Variants in FAF1 observed in about 807,000 individuals in gnomAD.
The protein encoded by FAF1 is Fas associated factor 1.
A neutral mutation model predicts 92.5 loss-of-function variants in FAF1; 25 were observed. The ratio of observed to expected loss-of-function variants is 0.27; its 90% CI spans 0.20 to 0.38. The LOEUF is 0.38. FAF1 is among the 10% of genes least tolerant of loss of function. The probability of loss-of-function intolerance (pLI) is 1.00; values close to 1 mark genes in which losing one functional copy is unlikely to be tolerated. For missense variants in FAF1, 636 were observed against 793.3 expected (o/e 0.80, Z 2.38); for synonymous variants, 234 against 273.2 (o/e 0.86, Z 1.42).
At chr1:50,725,414 T>C (rs1435081332) in intron 6 of FAF1, among the ~76,000 whole-genome samples, 3 of 152,200 alleles carry the variant, frequency 2.0e-5, no homozygotes, top group African/African-American at 7.2e-5. Flanking sequence ...TGTAATCTGC[T>C]TTCCCACCAA....
intron 6 of FAF1, among the ~76,000 whole-genome samples, chr1:50,726,549 G>C (rs1658665412): frequency 1.3e-5 from 2 of 152,024 alleles, no homozygotes; most frequent in South Asian, 2.1e-4. Context: ...ACAAAAAATG[G>C]CTGGGTGTGG....
At chr1:50,845,808 T>TTTC in intron 2 of FAF1, among the ~76,000 whole-genome samples, 1 of 152,046 alleles carries the variant, frequency 6.6e-6, no homozygotes, top group South Asian at 2.1e-4. Context: ...AAAATTATAC[T>TTTC]CAAACTCTTA....
intron 17 of FAF1, among the ~76,000 whole-genome samples, chr1:50,486,586 T>G (rs1646772515): frequency 6.6e-6 from 1 of 152,172 alleles, no homozygotes. Context: ...CCTAGTTAGA[T>G]ATCAGCTTCC....
intron 8 of FAF1, among the ~76,000 whole-genome samples, chr1:50,652,694 A>G (rs1217524244): frequency 1.3e-5 from 2 of 152,238 alleles, no homozygotes; most frequent in Non-Finnish European, 2.9e-5. Flanking sequence ...TGATTGATAG[A>G]TGCCTAATCT....
At position 50,758,020 on chromosome 1, in the gene FAF1, T is replaced by C. The variant is rs373110012; in HGVS notation, c.368-13245A>G. 1.3e-4 allele frequency among the ~76,000 whole-genome samples: 20 copies of C among 152,278 alleles called. No homozygotes were observed. In the East Asian group the frequency reaches 3.9e-3, roughly 29 times the overall value. Reference sequence around the variant, plus strand: ...GCAACCTCTGCCTCTGACATTCAACTGATTCTCGTGCCTCAGCCTCCCGAG... The same window carrying C: ...GCAACCTCTGCCTCTGACATTCAACCGATTCTCGTGCCTCAGCCTCCCGAG... On this transcript the variant is annotated intron_variant, in intron 4 of 18. Transcript: ENST00000396153.
chr1:50,579,830 T>C (rs889827606), intron 12 of FAF1, among the ~76,000 whole-genome samples: 5 of 152,162 alleles, frequency 3.3e-5, no homozygotes, highest in Admixed American at 2.0e-4. Flanking sequence ...ATATAACTTG[T>C]GATCCTTGAG....
At chr1:50,785,623 A>G (rs1661334288) in intron 4 of FAF1, among the ~76,000 whole-genome samples, 2 of 151,910 alleles carry the variant, frequency 1.3e-5, no homozygotes, top group African/African-American at 4.8e-5. Context: ...AAAAAAAAGG[A>G]AAGAAAAGAA....
chr1:50,592,383 G>C (rs1302965619), intron 9 of FAF1, among the ~76,000 whole-genome samples: 1 of 151,990 alleles, frequency 6.6e-6, no homozygotes, highest in Non-Finnish European at 1.5e-5. Context: ...TCTCACCCAA[G>C]CAACTGAGGA....
chr1:50,481,793 A>G (rs527827426), intron 17 of FAF1, among the ~76,000 whole-genome samples: 1 of 152,126 alleles, frequency 6.6e-6, no homozygotes, highest in South Asian at 2.1e-4. Context: ...ATTTAGATCT[A>G]AAAGAAGTAT....
intron 2 of FAF1, among the ~76,000 whole-genome samples, chr1:50,838,650 A>G (rs1644231955): frequency 6.6e-6 from 1 of 151,136 alleles, no homozygotes; most frequent in South Asian, 2.1e-4. Flanking sequence ...TGTGACAACC[A>G]GCTGCTCCCA....
intron 7 of FAF1, among the ~76,000 whole-genome samples, chr1:50,661,958 C>CA (rs1201720929): frequency 6.6e-6 from 1 of 152,028 alleles, no homozygotes; most frequent in Admixed American, 6.6e-5. Context: ...CCTTTCTGAA[C>CA]AAAAAACGCT....
intron 6 of FAF1, among the ~76,000 whole-genome samples, chr1:50,724,294 C>T (rs886997239): frequency 1.0e-4 from 12 of 120,026 alleles, no homozygotes; most frequent in South Asian, 2.6e-4. Context: ...CACACACACA[C>T]ATACACACAC....
At position 50,441,391 on chromosome 1, in the gene FAF1, C is replaced by T; in HGVS notation, c.*49G>A. ...TTGGCGAGGAGCCCTTCTCCTGACG[C>T]AGGCTGCTGGCTTGTCAAGGAATGG... is the stretch of plus-strand genomic sequence containing the variant. On this transcript the variant is annotated 3_prime_UTR_variant, in exon 19 of 19. Transcript: ENST00000396153. 8.1e-7 allele frequency: 1 copy of T among 1,233,438 alleles called. No individual in the cohort carries two copies. The highest frequency in any genetic ancestry group is 1.5e-5 in the South Asian group (1 of 65,316). 76.4% of individuals were successfully genotyped at this position (1,233,438 alleles called of 1,614,324 possible).
intron 1 of FAF1, among the ~76,000 whole-genome samples, chr1:50,866,046 T>C (rs932976191): frequency 1.3e-5 from 2 of 152,016 alleles, no homozygotes; most frequent in African/African-American, 4.8e-5. Flanking sequence ...TGGTTTAATA[T>C]ACACAAGTCA....
intron 7 of FAF1, among the ~76,000 whole-genome samples, chr1:50,670,408 C>T (rs1655821852): frequency 6.6e-6 from 1 of 151,752 alleles, no homozygotes; most frequent in African/African-American, 2.4e-5. Flanking sequence ...GTTTAAATTG[C>T]CACTCACAGC....
intron 2 of FAF1, among the ~76,000 whole-genome samples, chr1:50,849,048 G>A (rs1436398595): frequency 2.0e-5 from 3 of 152,090 alleles, no homozygotes; most frequent in African/African-American, 7.2e-5. Flanking sequence ...CACAAGGTCA[G>A]GAGTTCGAGA....
chr1:50,526,721 A>G (rs1647824969), intron 15 of FAF1, among the ~76,000 whole-genome samples: 1 of 152,170 alleles, frequency 6.6e-6, no homozygotes, highest in South Asian at 2.1e-4. Context: ...GCTGGATTAC[A>G]TGGTAACTAC....
chr1:50,719,290 A>ACCCTG (rs1385484378), intron 6 of FAF1, among the ~76,000 whole-genome samples: 1 of 152,152 alleles, frequency 6.6e-6, no homozygotes, highest in Non-Finnish European at 1.5e-5. Context: ...CTTAATTAAC[A>ACCCTG]CCCTGCTACA....
intron 13 of FAF1, among the ~76,000 whole-genome samples, chr1:50,554,763 T>A (rs1052778375): frequency 6.6e-6 from 1 of 152,116 alleles, no homozygotes; most frequent in African/African-American, 2.4e-5. Flanking sequence ...TGAAAACAAC[T>A]GTATCCAAGT....
Sources: allele counts gnomAD v4.1 joint callset (sites outside exome capture counted in the v4.1 genomes callset), GRCh38; gene constraint gnomAD v4.1.1; transcripts MANE v1.5; gene names NCBI Gene and HGNC (gene_info 2026-07-23, HGNC 2026-07-21).